SLCO2A1: variants seen among roughly 807,000 people sequenced by gnomAD.
SLCO2A1 encodes the protein solute carrier organic anion transporter family member 2A1.
Under a neutral mutation model 71.7 loss-of-function variants are expected in SLCO2A1, and 60 were observed. The ratio of observed to expected loss-of-function variants is 0.84; its 90% confidence interval spans 0.68 to 1.04. SLCO2A1 has a LOEUF of 1.04. SLCO2A1 is among the 50% of genes least tolerant of loss of function. The pLI is 0.00. For missense variants in SLCO2A1, 745 were observed against 813.4 expected (o/e 0.92, Z 1.02); for synonymous variants, 308 against 326.7 (o/e 0.94, Z 0.62).
intron 1 of SLCO2A1, among the ~76,000 whole-genome samples, chr3:134,007,839 A>G (rs1935249917): frequency 1.3e-5 from 2 of 152,204 alleles, no homozygotes; most frequent in Admixed American, 6.5e-5. Context: ...TGCAGGGTCA[A>G]CTGATGTCCT....
intron 1 of SLCO2A1, among the ~76,000 whole-genome samples, chr3:133,999,703 T>A (rs1349914344): frequency 6.6e-6 from 1 of 151,172 alleles, no homozygotes; most frequent in South Asian, 2.1e-4. Context: ...AGAAAGTGGG[T>A]AGGAAAAAAG....
intron 1 of SLCO2A1, among the ~76,000 whole-genome samples, chr3:134,013,722 C>T (rs1935386917): frequency 6.6e-6 from 1 of 152,220 alleles, no homozygotes; most frequent in Non-Finnish European, 1.5e-5. Context: ...ACACACACAT[C>T]TTCCTAGAGC....
In SLCO2A1 at chr3:133,953,715, C is replaced by G. The variant is rs771137072; in HGVS notation, c.672G>C (p.Leu224=). The change falls in exon 5 of 14, where the codon CTG becomes CTC. Residue 224 remains leucine, a synonymous_variant. Coordinates refer to ENST00000310926, the MANE Select transcript of SLCO2A1 (RefSeq NM_005630.3). The stretch of plus-strand genomic sequence containing the variant: ...AGATCTGCAGCATGACAGAGCCCAG[C>G]AGGTACCCGAAAGCCGGTCCAAATA... The part of the protein sequence containing the change: ...ISVFGPAFGY[L]LGSVMLQIFV... 1.2e-6 allele frequency: 2 copies of G among 1,614,156 alleles called. No individual in the cohort carries two copies. The highest frequency in any genetic ancestry group is 1.7e-6 in the Non-Finnish European group (2 of 1,180,026).
rs545691079 is a variant in SLCO2A1, at chr3:133,988,359, C to A, written c.97-8741G>T. Among the ~76,000 whole-genome samples the A allele has an allele frequency of 6.6e-5, 10 of 152,252 alleles. 1 individual carries two copies. The highest frequency in any genetic ancestry group is 3.4e-3 in the Middle Eastern group (1 of 294). ...ATTGATCCCAGGTCTTTAGATAAAC[C>A]CAACCAACTGTCAATCAGAAAATTT... On this transcript the variant is annotated intron_variant, in intron 1 of 13. Coordinates refer to ENST00000310926, the MANE Select transcript of SLCO2A1 (RefSeq NM_005630.3).
intron 1 of SLCO2A1, among the ~76,000 whole-genome samples, chr3:134,014,391 T>A (rs186365018): frequency 6.6e-6 from 1 of 152,110 alleles, no homozygotes; most frequent in African/African-American, 2.4e-5. Context: ...CTGCAGAGTA[T>A]CATCCCATCC....
chr3:133,972,333 T>C (rs1934344178), intron 3 of SLCO2A1, among the ~76,000 whole-genome samples: 1 of 152,070 alleles, frequency 6.6e-6, no homozygotes, highest in South Asian at 2.1e-4. Context: ...TTACCCAGGA[T>C]GCAGCATAAA....
intron 5 of SLCO2A1, 74 bp from the exon 6 acceptor site, chr3:133,951,418 CAG>C (rs1003758776): frequency 9.6e-6 from 15 of 1,562,288 alleles, no homozygotes; most frequent in African/African-American, 2.7e-5. Context: ...AACCTCTGAT[CAG>C]GGGGAGTTTC....
intron 1 of SLCO2A1, among the ~76,000 whole-genome samples, chr3:134,026,099 C>A (rs1299217415): frequency 6.6e-6 from 1 of 151,998 alleles, no homozygotes; most frequent in African/African-American, 2.4e-5. Flanking sequence ...GAAGAATCAC[C>A]CTGATAATTT....
At chr3:133,996,438 C>T (rs552581707) in intron 1 of SLCO2A1, among the ~76,000 whole-genome samples, 81 of 152,334 alleles carry the variant, frequency 5.3e-4, no homozygotes, top group African/African-American at 1.7e-3. Flanking sequence ...GGACGCCTGT[C>T]GGCTCTCCCC....
chr3:133,959,407 A>C (rs2108047993), intron 3 of SLCO2A1, among the ~76,000 whole-genome samples: 1 of 152,196 alleles, frequency 6.6e-6, no homozygotes, highest in African/African-American at 2.4e-5. Context: ...CAAAAAAAAA[A>C]AAAACAGAAA....
chr3:133,991,611 G>C (rs1934848025), intron 1 of SLCO2A1, among the ~76,000 whole-genome samples: 1 of 152,150 alleles, frequency 6.6e-6, no homozygotes, highest in South Asian at 2.1e-4. Flanking sequence ...TGGGTCACTG[G>C]AGATATAAAA....
chr3:134,003,019 G>C (rs988493852), intron 1 of SLCO2A1, among the ~76,000 whole-genome samples: 22 of 152,174 alleles, frequency 1.4e-4, no homozygotes, highest in African/African-American at 4.1e-4. Context: ...CTGTCGGTGT[G>C]GGCCAGGAGC....
chr3:134,001,206 A>G (rs1935097360), intron 1 of SLCO2A1, among the ~76,000 whole-genome samples: 1 of 151,404 alleles, frequency 6.6e-6, no homozygotes, highest in African/African-American at 2.4e-5. Context: ...CAACCTCTGC[A>G]TTCAAGGGAT....
chr3:133,939,271 A>G (rs1350873871), intron 11 of SLCO2A1, among the ~76,000 whole-genome samples: 1 of 152,208 alleles, frequency 6.6e-6, no homozygotes, highest in Non-Finnish European at 1.5e-5. Context: ...CAGAGAGAGC[A>G]GGGGACGGCC....
In SLCO2A1 at chr3:134,029,473, A is replaced by AACACACACAC. The variant is rs146731617; in HGVS notation, c.96+224_96+233dup. Among the ~76,000 whole-genome samples, 954 of 149,996 alleles carry AACACACACAC rather than the reference A, an allele frequency of 6.4e-3. 15 individuals carry two copies. Among genetic ancestry groups the AACACACACAC allele is most frequent in the African/African-American group, 0.021 (841 of 40,624 alleles). ...TTACTTAGTCCGATGAAGGCGTGTG[A>AACACACACAC]ACACACACACACACACTCGCACGCA... On this transcript the variant is annotated intron_variant, in intron 1 of 13. Transcript: ENST00000310926.
chr3:134,029,682 G>A (rs1935781922), intron 1 of SLCO2A1, 25 bp downstream of exon 1: 15 of 1,551,742 alleles, frequency 9.7e-6, no homozygotes, highest in Non-Finnish European at 1.2e-5. Context: ...GCTCCGGCCC[G>A]GAAGACCCCG....
At chr3:133,967,890 C>T (rs1212694667) in intron 3 of SLCO2A1, among the ~76,000 whole-genome samples, 1 of 100,946 alleles carries the variant, frequency 9.9e-6, no homozygotes, top group African/African-American at 3.7e-5. Flanking sequence ...CACACCCCCA[C>T]ACACTTCCCC....
intron 3 of SLCO2A1, among the ~76,000 whole-genome samples, chr3:133,964,903 G>A (rs975908498): frequency 1.3e-5 from 2 of 152,180 alleles, no homozygotes; most frequent in African/African-American, 4.8e-5. Context: ...CCCAGCACAT[G>A]GTCTGGCACC....
At chr3:134,011,061 T>G (rs1935330237) in intron 1 of SLCO2A1, among the ~76,000 whole-genome samples, 1 of 152,188 alleles carries the variant, frequency 6.6e-6, no homozygotes. Flanking sequence ...TTGTTTTTTG[T>G]TTTTGAGATG....
Sources: gnomAD v4.1 joint callset for allele counts (sites outside exome capture counted in the v4.1 genomes callset) on GRCh38, gnomAD v4.1.1 for gene constraint, MANE v1.5 for transcripts, NCBI Gene and HGNC (gene_info 2026-07-23, HGNC 2026-07-21) for gene names.